The following CRYZL1 variants were observed in gnomAD, a reference collection of about 807,000 sequenced individuals.
CRYZL1 encodes the protein ferry endosomal RAB5 effector complex subunit 4.
In CRYZL1, 34 loss-of-function variants were observed where a neutral mutation model predicts 50.6. That is an observed-to-expected ratio of 0.67 (90% CI 0.51 to 0.89). The LOEUF (loss-of-function observed/expected upper bound fraction) is 0.89, where lower values mean the gene tolerates loss of function less well. CRYZL1 is among the 40% of genes least tolerant of loss of function. The pLI, the probability that CRYZL1 is intolerant of heterozygous loss-of-function variation, is 0.00. For missense variants in CRYZL1, 354 were observed against 402.3 expected, an observed-to-expected ratio of 0.88 and a Z score of 1.03; for synonymous variants, 125 against 134.3, an observed-to-expected ratio of 0.93 and a Z score of 0.48.
rs533636558 is a variant in CRYZL1 at position 33,615,304 on chromosome 21, A to G, written c.262+1402T>C. On this transcript the variant is annotated intron_variant, in intron 5 of 12. Coordinates refer to ENST00000381554, the MANE Select transcript of CRYZL1 (RefSeq NM_145858.3). ...GTAGCTGGGACCACAGGTGTGTGCCACCACGCCTGGCTAATTTTTGTATTT... is the reference window on the plus strand; with the variant it reads ...GTAGCTGGGACCACAGGTGTGTGCCGCCACGCCTGGCTAATTTTTGTATTT... 5.5e-4 allele frequency among the ~76,000 whole-genome samples: 83 copies of G among 151,956 alleles called. 2 individuals are homozygous for G. In the South Asian group the frequency reaches 0.013, roughly 24 times the overall value.
chr21:33,607,297 A>AGAACAGACTTATTTGAGTT (rs1323760928), intron 6 of CRYZL1, among the ~76,000 whole-genome samples: 2 of 152,196 alleles, frequency 1.3e-5, no homozygotes, highest in African/African-American at 2.4e-5. Flanking sequence ...GGTTTGGTAA[A>AGAACAGACTTATTTGAGTT]GAACAGACTT....
chr21:33,602,839 T>C (rs1410412559), intron 7 of CRYZL1, among the ~76,000 whole-genome samples: 1 of 152,236 alleles, frequency 6.6e-6, no homozygotes, highest in Non-Finnish European at 1.5e-5. Context: ...AGCTTTGCCT[T>C]TTCTTCAAAG....
In CRYZL1 at chr21:33,602,237, T is replaced by C; in HGVS notation, c.574A>G (p.Ile192Val). The C allele has an allele frequency of 5.2e-6, 8 of 1,531,850 alleles. No individual in the cohort carries two copies. The highest frequency in any genetic ancestry group is 7.2e-6 in the Non-Finnish European group (8 of 1,104,962). The allele number at this position is 1,531,850 out of a possible 1,614,324, so 94.9% of individuals were successfully genotyped here. Residue 192 changes from isoleucine to valine, a missense_variant, in exon 8 of 13, where the codon ATA becomes GTA. Physicochemically the swap from Ile to Val is conservative, Grantham distance 29. Transcript: ENST00000381554. The stretch of plus-strand genomic sequence containing the variant: ...CTGTGCTCATAATATTACCCACCTA[T>C]GGGAGGTCTGAATCTTTCAAGGCAC... The part of the protein sequence containing the change: ...KQCLERFRPP[I>V]ARVIDVSNGK...
At chr21:33,634,904 T>TATAA (rs1491266388) in intron 1 of CRYZL1, among the ~76,000 whole-genome samples, 1 of 135,374 alleles carries the variant, frequency 7.4e-6, no homozygotes, top group African/African-American at 2.8e-5. Flanking sequence ...TATATATATA[T>TATAA]AAAATAATGG....
intron 1 of CRYZL1, among the ~76,000 whole-genome samples, chr21:33,632,699 T>G (rs2087156146): frequency 6.6e-6 from 1 of 152,226 alleles, no homozygotes; most frequent in Non-Finnish European, 1.5e-5. Flanking sequence ...TTGAGGTATC[T>G]CTAAAGATTC....
At chr21:33,612,513 T>C in intron 6 of CRYZL1, among the ~76,000 whole-genome samples, 1 of 152,198 alleles carries the variant, frequency 6.6e-6, no homozygotes, top group East Asian at 1.9e-4. Flanking sequence ...GGTCTCAAAC[T>C]CCTGACCTCA....
At chr21:33,638,483 G>C (rs150964861) in intron 1 of CRYZL1, among the ~76,000 whole-genome samples, 40 of 152,316 alleles carry the variant, frequency 2.6e-4, no homozygotes, top group African/African-American at 8.7e-4. Context: ...AAAGTGCTGG[G>C]ATTACAGGCG....
In CRYZL1 at chr21:33,597,121, C is replaced by T. The variant is rs375669355; in HGVS notation, c.798+159G>A. Among the ~76,000 whole-genome samples, 8 of 152,262 alleles carry T rather than the reference C, an allele frequency of 5.3e-5. No homozygotes were observed. In the East Asian group the frequency reaches 5.8e-4, roughly 11 times the overall value. Reference sequence around the variant, plus strand: ...CTGGCCTCAAGTGATCCGCCCGCCGCGGCCTCCCATAGTGCTGGACTCATA... The same window carrying T: ...CTGGCCTCAAGTGATCCGCCCGCCGTGGCCTCCCATAGTGCTGGACTCATA... On this transcript the variant is annotated intron_variant, in intron 10 of 12. Transcript: ENST00000381554.
At chr21:33,607,715 A>G (rs941187720) in intron 6 of CRYZL1, among the ~76,000 whole-genome samples, 1 of 152,230 alleles carries the variant, frequency 6.6e-6, no homozygotes, top group Admixed American at 6.5e-5. Context: ...AATCACCAGG[A>G]AAGTAATAGA....
chr21:33,626,689 C>G (rs1181778979), intron 2 of CRYZL1, among the ~76,000 whole-genome samples: 2 of 149,364 alleles, frequency 1.3e-5, no homozygotes, highest in Non-Finnish European at 3.0e-5. Flanking sequence ...AGAGCGAGAC[C>G]CTGTCTCAAA....
rs765898067 is a variant in CRYZL1, at chr21:33,597,285, G to A, written c.793C>T (p.Leu265Phe). The A allele has an allele frequency of 3.1e-6, 5 of 1,613,512 alleles. No individual in the cohort carries two copies. The highest frequency in any genetic ancestry group is 1.7e-5 in the Admixed American group (1 of 59,964). Reference sequence around the variant, plus strand: ...TTTATGGTTTCTGATAGTACCTGAAGGTTTTCTTCTGTTGTTACCCAGTGG... The same window carrying A: ...TTTATGGTTTCTGATAGTACCTGAAAGTTTTCTTCTGTTGTTACCCAGTGG... ...GGHWVTTEEN[L>F]QLDPPDSHCL... The change falls in exon 10 of 13, where the codon CTT becomes TTT. Residue 265 changes from leucine (L) to phenylalanine (F), a missense_variant. Transcript: ENST00000381554.
intron 1 of CRYZL1, chr21:33,640,207 T>A: frequency 6.5e-7 from 1 of 1,547,772 alleles, no homozygotes; most frequent in Non-Finnish European, 8.7e-7. Flanking sequence ...AGAGCATAGT[T>A]AATCTTAGAA....
intron 4 of CRYZL1, 41 bp downstream of exon 4, chr21:33,621,955 C>A: frequency 7.1e-7 from 1 of 1,403,540 alleles, no homozygotes; most frequent in East Asian, 2.4e-5. Context: ...ATCTCTTTTA[C>A]CTTAGAAAAT....
intron 4 of CRYZL1, among the ~76,000 whole-genome samples, chr21:33,621,438 T>C (rs1439198332): frequency 6.6e-6 from 1 of 151,198 alleles, no homozygotes; most frequent in Non-Finnish European, 1.5e-5. Flanking sequence ...GCCTCCCAGG[T>C]TCACGCCATT....
intron 2 of CRYZL1, among the ~76,000 whole-genome samples, chr21:33,626,854 T>G (rs1441312810): frequency 6.6e-6 from 1 of 152,188 alleles, no homozygotes; most frequent in Non-Finnish European, 1.5e-5. Flanking sequence ...CTACCCAATA[T>G]GCCCACAATT....
intron 3 of CRYZL1, among the ~76,000 whole-genome samples, chr21:33,622,745 A>G (rs751954241): frequency 1.3e-5 from 2 of 152,190 alleles, no homozygotes; most frequent in Non-Finnish European, 2.9e-5. Flanking sequence ...GGCACTTAAC[A>G]CTACAGATGC....
At chr21:33,595,346 A>G (rs2086683229) in intron 11 of CRYZL1, 1 of 1,267,356 alleles carries the variant, frequency 7.9e-7, no homozygotes, top group Non-Finnish European at 1.0e-6. Flanking sequence ...CATAGGAGTA[A>G]GTGTGCAACC....
Position 33,589,791 on chromosome 21 carries a change from T to A in CRYZL1, c.*31A>T, listed in dbSNP as rs552133521. On this transcript the variant is annotated 3_prime_UTR_variant, in exon 13 of 13. Coordinates refer to ENST00000381554, the MANE Select transcript of CRYZL1 (RefSeq NM_145858.3). The stretch of plus-strand genomic sequence containing the variant: ...TCTGGCTTCAAATACTGGAATATGT[T>A]CATCCGACTGAGGTCTGAGAAAGAA... 2 of 1,345,448 alleles carry A rather than the reference T, an allele frequency of 1.5e-6. No individual in the cohort carries two copies. Among genetic ancestry groups the A allele is most frequent in the East Asian group, 4.6e-5 (2 of 43,598 alleles). The allele number at this position is 1,345,448 out of a possible 1,614,324, so 83.3% of individuals were successfully genotyped here. A position where few individuals can be genotyped will look rare whatever the true frequency, so the allele number is the denominator to read the frequency against.
chr21:33,618,709 C>T (rs2086963252), intron 4 of CRYZL1, among the ~76,000 whole-genome samples: 1 of 152,054 alleles, frequency 6.6e-6, no homozygotes, highest in Non-Finnish European at 1.5e-5. Context: ...TCTTTGGCTC[C>T]CTCCTGTGCC....
Sources: gnomAD v4.1 joint callset for allele counts (sites outside exome capture counted in the v4.1 genomes callset) on GRCh38, gnomAD v4.1.1 for gene constraint, MANE v1.5 for transcripts, NCBI Gene and HGNC (gene_info 2026-07-23, HGNC 2026-07-21) for gene names.